Variants in RBFOX1 observed in about 807,000 individuals in gnomAD.
RBFOX1 encodes the protein RNA binding fox-1 homolog 1, also known as RNA binding protein fox-1 homolog 1.
In RBFOX1, 8 loss-of-function variants were observed where a neutral mutation model predicts 57.7. The ratio of observed to expected loss-of-function variants is 0.14; its 90% CI spans 0.08 to 0.25. The LOEUF is 0.25. Ranked by LOEUF, RBFOX1 falls within the 10% of genes least tolerant of loss-of-function variation. The pLI is 1.00. For missense variants in RBFOX1, 611 were observed against 548.5 expected, an observed-to-expected ratio of 1.11 and a Z score of -1.14; for synonymous variants, 326 against 222.4, an observed-to-expected ratio of 1.47 and a Z score of -4.15.
chr16:7,614,506 T>A (rs1480796834), intron 10 of RBFOX1: 1 of 152,198 alleles, frequency 6.6e-6, no homozygotes, highest in East Asian at 1.9e-4. Flanking sequence ...AGTACTTGCT[T>A]ATGTGCTAAA....
intron 3 of RBFOX1, among the ~76,000 whole-genome samples, chr16:5,606,131 T>C (rs1388462851): frequency 6.6e-6 from 1 of 152,160 alleles, no homozygotes; most frequent in Non-Finnish European, 1.5e-5. Context: ...CTTTCTGACA[T>C]ATTTCAGCAG....
intron 1 of RBFOX1, among the ~76,000 whole-genome samples, chr16:5,287,605 T>C (rs1368519137): frequency 6.6e-6 from 1 of 152,224 alleles, no homozygotes. Context: ...GAGGATTGGT[T>C]AATCTGGCAT....
intron 3 of RBFOX1, among the ~76,000 whole-genome samples, chr16:7,036,352 C>T (rs1296166905): frequency 1.3e-5 from 2 of 152,090 alleles, no homozygotes; most frequent in African/African-American, 4.8e-5. Context: ...TTTTCTACCG[C>T]TGTGTTATAG....
chr16:6,370,012 C>G (rs2090190070), intron 2 of RBFOX1, among the ~76,000 whole-genome samples: 1 of 152,072 alleles, frequency 6.6e-6, no homozygotes, highest in Admixed American at 6.6e-5. Context: ...TCTTTTAATC[C>G]ACAACAGTGA....
At chr16:6,518,797 G>GTCTATCTATCTATCTA (rs58687392) in intron 2 of RBFOX1, among the ~76,000 whole-genome samples, 77 of 104,076 alleles carry the variant, frequency 7.4e-4, no homozygotes, top group East Asian at 2.3e-3. Context: ...CTGTGTGTCT[G>GTCTATCTATCTATCTA]TCTATCTATC....
At chr16:7,621,912 C>G (rs1036345675) in intron 10 of RBFOX1, among the ~76,000 whole-genome samples, 39 of 152,180 alleles carry the variant, frequency 2.6e-4, no homozygotes, top group African/African-American at 8.9e-4. Flanking sequence ...GAAAAGCAGC[C>G]ATACACAAAA....
chr16:5,456,112 T>A (rs2068623379), intron 1 of RBFOX1, among the ~76,000 whole-genome samples: 1 of 152,006 alleles, frequency 6.6e-6, no homozygotes, highest in African/African-American at 2.4e-5. Flanking sequence ...TATCATTTTT[T>A]TAAAAAAAAA....
At chr16:7,399,912 A>G (rs552507296) in intron 4 of RBFOX1, among the ~76,000 whole-genome samples, 2 of 152,194 alleles carry the variant, frequency 1.3e-5, no homozygotes, top group African/African-American at 4.8e-5. Context: ...AGAATATTCA[A>G]CAACACAAAG....
intron 1 of RBFOX1, among the ~76,000 whole-genome samples, chr16:6,232,894 GTC>G (rs1263644740): frequency 6.6e-6 from 1 of 152,152 alleles, no homozygotes; most frequent in Admixed American, 6.5e-5. Flanking sequence ...CACATGTCCA[GTC>G]TCTTCTGTGA....
intron 3 of RBFOX1, among the ~76,000 whole-genome samples, chr16:7,002,660 C>T (rs906979063): frequency 1.3e-4 from 20 of 151,996 alleles, no homozygotes; most frequent in South Asian, 2.1e-4. Context: ...TGCAGGGAGC[C>T]GAGATTGCGC....
intron 3 of RBFOX1, among the ~76,000 whole-genome samples, chr16:6,901,122 C>G (rs976277125): frequency 1.3e-5 from 2 of 152,134 alleles, no homozygotes; most frequent in East Asian, 1.9e-4. Flanking sequence ...TATCGACAGG[C>G]TTTGTGTTTC....
chr16:6,102,033 G>A (rs2096315956), intron 1 of RBFOX1, among the ~76,000 whole-genome samples: 1 of 152,116 alleles, frequency 6.6e-6, no homozygotes, highest in African/African-American at 2.4e-5. Context: ...ACCCAAAATG[G>A]TGTGACTGTT....
rs548508890 is a variant in RBFOX1, at chr16:6,934,569, G to C, written c.-15-117488G>C. On this transcript the variant is annotated intron_variant, in intron 3 of 15. Transcript: ENST00000550418. ...ATAAAAAGAAGGAATTTTTTAAAAA[G>C]ATAACAAAGTCATGTCATTTGCAGC... Among the ~76,000 whole-genome samples the C allele has an allele frequency of 1.8e-4, 27 of 152,260 alleles. No individual in the cohort carries two copies. In the East Asian group the frequency reaches 4.3e-3, roughly 24 times the overall value.
chr16:6,849,785 A>G (rs1317418784), intron 3 of RBFOX1, among the ~76,000 whole-genome samples: 1 of 152,196 alleles, frequency 6.6e-6, no homozygotes, highest in Non-Finnish European at 1.5e-5. Flanking sequence ...CTCCTCCAAG[A>G]AGCCACCTTG....
chr16:6,936,268 T>G (rs188721244), intron 3 of RBFOX1, among the ~76,000 whole-genome samples: 1 of 152,206 alleles, frequency 6.6e-6, no homozygotes, highest in Non-Finnish European at 1.5e-5. Context: ...AAATCAGAGA[T>G]GAGTAATTGC....
chr16:6,142,898 C>G (rs769783119), intron 1 of RBFOX1, among the ~76,000 whole-genome samples: 1 of 152,212 alleles, frequency 6.6e-6, no homozygotes, highest in Non-Finnish European at 1.5e-5. Flanking sequence ...CTGATGTTCT[C>G]TGACTGCAAG....
intron 5 of RBFOX1, among the ~76,000 whole-genome samples, chr16:7,546,771 G>A (rs761875503): frequency 7.9e-5 from 12 of 152,094 alleles, no homozygotes; most frequent in Admixed American, 5.9e-4. Context: ...ATTGGACATA[G>A]TTTATTTAGC....
intron 3 of RBFOX1, among the ~76,000 whole-genome samples, chr16:7,020,617 A>C (rs915153301): frequency 2.6e-5 from 4 of 152,222 alleles, no homozygotes; most frequent in Non-Finnish European, 5.9e-5. Flanking sequence ...AGAAGATCAG[A>C]CATGTCCACA....
intron 3 of RBFOX1, among the ~76,000 whole-genome samples, chr16:6,819,615 G>T (rs906546114): frequency 1.4e-5 from 2 of 139,344 alleles, no homozygotes; most frequent in African/African-American, 5.3e-5. Context: ...TGAGGCAGGA[G>T]AATTGCTTGA....
Sources: gnomAD v4.1 joint callset for allele counts (sites outside exome capture counted in the v4.1 genomes callset) on GRCh38, gnomAD v4.1.1 for gene constraint, MANE v1.5 for transcripts, NCBI Gene and HGNC (gene_info 2026-07-23, HGNC 2026-07-21) for gene names.